ARHGAP39: variants seen among roughly 807,000 people sequenced by gnomAD.
The protein encoded by ARHGAP39 is Rho GTPase activating protein 39, also known as rho GTPase-activating protein 39.
In ARHGAP39, 44 loss-of-function variants were observed where a neutral mutation model predicts 106.9. The observed-to-expected ratio is 0.41, with a 90% CI of 0.32 to 0.53. The LOEUF (loss-of-function observed/expected upper bound fraction) is 0.53. Among genes scored for constraint, ARHGAP39 ranks in the 20% least tolerant of loss-of-function variants. The pLI is 0.21. For synonymous variants in ARHGAP39, 768 were observed against 693.2 expected (o/e 1.11, Z -1.69); for missense variants, 1,496 against 1,577.3 (o/e 0.95, Z 0.87).
rs183990568 is a variant in ARHGAP39, at chr8:144,647,113, C to A, written c.-82+38573G>T. ...CCTCCCGAGTAGCTGGGACTACAGC[C>A]ACCCGCCACCATGCCCGGCTAATTT... On this transcript the variant is annotated intron_variant, in intron 1 of 11. Transcript: ENST00000377307. The surrounding 1 kb of genome is among the most constrained non-coding windows in gnomAD (Gnocchi z 4.8). Among the ~76,000 whole-genome samples the A allele has an allele frequency of 2.8e-4, 43 of 152,158 alleles. No homozygotes were observed. The East Asian group carries it at 7.5e-3, about 27-fold the overall frequency.
Position 144,563,780 on chromosome 8 carries a change from C to T in ARHGAP39, c.513-8137G>A, listed in dbSNP as rs73377653. ...CATTCTAGCATGGGTAACAGCGAGA[C>T]CTTGTATCTAAAAAAAATAATAATA... On this transcript the variant is annotated intron_variant, in intron 3 of 11. Transcript: ENST00000377307. Among the ~76,000 whole-genome samples the T allele has an allele frequency of 5.2e-4, 79 of 150,778 alleles. No homozygotes were observed. The Middle Eastern group carries it at 0.01, about 19-fold the overall frequency.
Position 144,641,233 on chromosome 8 carries a change from G to C in ARHGAP39, c.-81-35538C>G, listed in dbSNP as rs1278453226. Among the ~76,000 whole-genome samples, 1 of 152,052 alleles carries C rather than the reference G, an allele frequency of 6.6e-6. No homozygotes were observed. Among genetic ancestry groups the C allele is most frequent in the Non-Finnish European group, 1.5e-5 (1 of 68,012 alleles). On this transcript the variant is annotated intron_variant, in intron 1 of 11. Coordinates refer to ENST00000377307, the MANE Select transcript of ARHGAP39 (RefSeq NM_025251.3). The surrounding 1 kb of genome is among the most constrained non-coding windows in gnomAD (Gnocchi z 5.2). ...CTAGTCTATGACATCTGGGACCCTG[G>C]GGCACCGGTCTCTGGCCCTCAAGGC...
chr8:144,576,621 A>G (rs1264516538), intron 3 of ARHGAP39, among the ~76,000 whole-genome samples: 1 of 152,256 alleles, frequency 6.6e-6, no homozygotes, highest in Non-Finnish European at 1.5e-5. Flanking sequence ...CTAATTGCAG[A>G]GACGAGTCAA....
In ARHGAP39 at chr8:144,585,979, G is replaced by A. The variant is rs1368280225; in HGVS notation, c.81-4702C>T. Among the ~76,000 whole-genome samples, 1 of 152,016 alleles carries A rather than the reference G, an allele frequency of 6.6e-6. No homozygotes were observed. The highest frequency in any genetic ancestry group is 1.5e-5 in the Non-Finnish European group (1 of 67,982). ...TTGTTACCTGACCCCCGTGACTCAGGGTAGTTTTTTAGTTTTGGAGACAGA... is the reference window on the plus strand; with the variant it reads ...TTGTTACCTGACCCCCGTGACTCAGAGTAGTTTTTTAGTTTTGGAGACAGA... On this transcript the variant is annotated intron_variant, in intron 2 of 11. Coordinates refer to ENST00000377307, the MANE Select transcript of ARHGAP39 (RefSeq NM_025251.3). The surrounding 1 kb of genome is among the most constrained non-coding windows in gnomAD (Gnocchi z 4.6).
At chr8:144,600,653 G>A (rs1374410094) in intron 2 of ARHGAP39, among the ~76,000 whole-genome samples, 12 of 149,004 alleles carry the variant, frequency 8.1e-5, no homozygotes, top group Non-Finnish European at 1.2e-4. Flanking sequence ...TGTGCATGGA[G>A]GTGTGCGTGC....
At chr8:144,686,506 CAG>C (rs1427132576), upstream of ARHGAP39, among the ~76,000 whole-genome samples, 34 of 152,320 alleles carry the variant, frequency 2.2e-4, no homozygotes, top group Middle Eastern at 3.4e-3. Flanking sequence ...TAGTAGAAGA[CAG>C]GGGCGCACAC....
chr8:144,546,796 G>A (rs145610459), intron 5 of ARHGAP39, among the ~76,000 whole-genome samples: 1,599 of 152,240 alleles, frequency 0.011, 32 homozygotes, highest in African/African-American at 0.037. Context: ...CCACGGCTCC[G>A]GTGGCCACCA....
At chr8:144,537,840 C>G in intron 6 of ARHGAP39, 27 bp from the exon 7 acceptor site, 1 of 1,607,848 alleles carries the variant, frequency 6.2e-7, no homozygotes, top group Non-Finnish European at 8.5e-7. Context: ...ACCATCAGCA[C>G]GACAGAACAA....
intron 1 of ARHGAP39, among the ~76,000 whole-genome samples, chr8:144,675,481 G>A (rs1822209701): frequency 6.6e-6 from 1 of 152,214 alleles, no homozygotes; most frequent in Non-Finnish European, 1.5e-5. Flanking sequence ...CTTCAGGAGT[G>A]AAACTGCAGA....
In ARHGAP39 at chr8:144,537,725, C is replaced by T. The variant is rs1460385080; in HGVS notation, c.2610G>A (p.Pro870=). ...GGCTGCGGGGAGAGGCCCTACCATC[C>T]GGCTCTTCAACATAAGGCTTGGGTT... ...RKKPKPYVEE[P]DGVAISTYAK... The change falls in exon 7 of 12, where the codon CCG becomes CCA. Residue 870 remains proline (P), a synonymous_variant. Coordinates refer to ENST00000377307, the MANE Select transcript of ARHGAP39 (RefSeq NM_025251.3). 10 of 1,613,960 alleles carry T rather than the reference C, an allele frequency of 6.2e-6. No homozygotes were observed. The East Asian group carries it at 6.7e-5, about 11-fold the overall frequency.
chr8:144,660,343 T>C (rs1037359734), intron 1 of ARHGAP39, among the ~76,000 whole-genome samples: 8 of 152,162 alleles, frequency 5.3e-5, no homozygotes, highest in Middle Eastern at 3.4e-3. Flanking sequence ...CCTAACCCCA[T>C]CTCACCCCTA....
chr8:144,559,730 T>G (rs1263972522), intron 3 of ARHGAP39, among the ~76,000 whole-genome samples: 1 of 152,198 alleles, frequency 6.6e-6, no homozygotes, highest in Non-Finnish European at 1.5e-5. Context: ...TTTTGGAATA[T>G]CTACATATAC....
At position 144,548,443 on chromosome 8, in the gene ARHGAP39, T is replaced by C; in HGVS notation, c.643A>G (p.Ile215Val). Residue 215 changes from isoleucine to valine, a missense_variant, in exon 5 of 12, where the codon ATC (isoleucine) becomes GTC (valine). Ile to Val is a conservative substitution (Grantham distance 29, BLOSUM62 3). Transcript: ENST00000377307. This position sits in a 1 kb window ranked among gnomAD's most constrained non-coding sequence, Gnocchi z 7.4. ...CTGGGCTCCCGATCAGCGACCTTGATGAGCATGCGCTCTTTGGCGCCCGAG... is the reference window on the plus strand; with the variant it reads ...CTGGGCTCCCGATCAGCGACCTTGACGAGCATGCGCTCTTTGGCGCCCGAG... ...WNSGAKERML[I>V]KVADREPSFL... is the part of the protein sequence containing the mutation. The C allele has an allele frequency of 1.2e-6, 2 of 1,610,914 alleles. No individual in the cohort carries two copies. Among genetic ancestry groups the C allele is most frequent in the Non-Finnish European group, 8.5e-7 (1 of 1,179,654 alleles).
At chr8:144,601,536 G>C (rs1186437339) in intron 2 of ARHGAP39, among the ~76,000 whole-genome samples, 2 of 147,264 alleles carry the variant, frequency 1.4e-5, no homozygotes, top group Non-Finnish European at 3.0e-5. Context: ...ACCTGTGTGT[G>C]TGCATGGAGG....
intron 2 of ARHGAP39, among the ~76,000 whole-genome samples, chr8:144,595,009 T>C (rs1819557208): frequency 6.6e-6 from 1 of 152,156 alleles, no homozygotes; most frequent in Admixed American, 6.5e-5. Context: ...ACCTTCGCAC[T>C]CCAGCCTGAC....
intron 1 of ARHGAP39, among the ~76,000 whole-genome samples, chr8:144,673,273 C>T (rs1822148045): frequency 6.6e-6 from 1 of 152,004 alleles, no homozygotes; most frequent in Non-Finnish European, 1.5e-5. Context: ...CGCCTTGCCA[C>T]AGCCCCCAAG....
chr8:144,563,391 C>T (rs997850780), intron 3 of ARHGAP39, among the ~76,000 whole-genome samples: 4 of 152,144 alleles, frequency 2.6e-5, no homozygotes, highest in Non-Finnish European at 5.9e-5. Flanking sequence ...TCAACAGCTT[C>T]GCAGTGGCAA....
At chr8:144,562,749 T>C (rs1222421614) in intron 3 of ARHGAP39, among the ~76,000 whole-genome samples, 1 of 146,456 alleles carries the variant, frequency 6.8e-6, no homozygotes, top group Non-Finnish European at 1.5e-5. Context: ...CGCACCCCAG[T>C]GGTTTCCATT....
At position 144,600,768 on chromosome 8, in the gene ARHGAP39, C is replaced by T. The variant is rs546362810; in HGVS notation, c.80+4767G>A. On this transcript the variant is annotated intron_variant, in intron 2 of 11. Coordinates refer to ENST00000377307, the MANE Select transcript of ARHGAP39 (RefSeq NM_025251.3). The stretch of plus-strand genomic sequence containing the variant: ...GCGTGCGCACTTGTGTACCTACCTG[C>T]GTGTGCATGGAGGCATGCGCGTGAG... 5.3e-5 allele frequency among the ~76,000 whole-genome samples: 8 copies of T among 149,800 alleles called. No individual in the cohort carries two copies. The South Asian group carries it at 6.4e-4, about 12-fold the overall frequency.
Sources: gnomAD v4.1 joint callset for allele counts (sites outside exome capture counted in the v4.1 genomes callset) on GRCh38, gnomAD v4.1.1 for gene constraint, Gnocchi (gnomAD v3.1) non-coding constraint, MANE v1.5 for transcripts, NCBI Gene and HGNC (gene_info 2026-07-23, HGNC 2026-07-21) for gene names.